The following DESI2 variants were observed in gnomAD, a reference collection of about 807,000 sequenced individuals.
DESI2 encodes desumoylating isopeptidase 2, also known as deubiquitinase DESI2.
DESI2 carries 10 observed loss-of-function variants against 24.1 expected under a neutral mutation model. The ratio of observed to expected loss-of-function variants is 0.41; its 90% CI spans 0.26 to 0.70. The LOEUF (loss-of-function observed/expected upper bound fraction) is 0.70, where lower values mean the gene tolerates loss of function less well. Ranked by LOEUF, DESI2 falls within the 30% of genes least tolerant of loss-of-function variation. DESI2 has a pLI of 0.29. For missense variants in DESI2, 122 were observed against 234.9 expected (o/e 0.52, Z 3.14); for synonymous variants, 71 against 87.7 (o/e 0.81, Z 1.06).
intron 1 of DESI2, among the ~76,000 whole-genome samples, chr1:244,670,878 C>A (rs573790997): frequency 6.6e-6 from 1 of 152,232 alleles, no homozygotes; most frequent in Middle Eastern, 3.4e-3. Flanking sequence ...GTGTTAGTTA[C>A]AATACTTGGA....
At chr1:244,690,947 C>T (rs1183376342) in intron 3 of DESI2, among the ~76,000 whole-genome samples, 1 of 152,220 alleles carries the variant, frequency 6.6e-6, no homozygotes, top group East Asian at 1.9e-4. Context: ...TCCACTCCTT[C>T]GGGCTCTCTT....
chr1:244,706,758 A>C lies in DESI2; in HGVS notation c.*969A>C, dbSNP rs1002934693. On this transcript the variant is annotated 3_prime_UTR_variant, in exon 5 of 5. Coordinates refer to ENST00000302550, the MANE Select transcript of DESI2 (RefSeq NM_016076.5). ...AAAACTAGAATCTAATGTCTACCCCAAAAAAGTAGTTCTTTGATATTTTAT... is the reference window on the plus strand; with the variant it reads ...AAAACTAGAATCTAATGTCTACCCCCAAAAAGTAGTTCTTTGATATTTTAT... The C allele has an allele frequency of 6.6e-6, 1 of 152,550 alleles. No individual in the cohort carries two copies. Among genetic ancestry groups the C allele is most frequent in the Non-Finnish European group, 1.5e-5 (1 of 68,042 alleles). 9.4% of individuals were successfully genotyped at this position (152,550 alleles called of 1,614,324 possible). A position where few individuals can be genotyped will look rare whatever the true frequency, so the allele number is the denominator to read the frequency against.
chr1:244,657,011 G>C (rs1477728847), intron 1 of DESI2, among the ~76,000 whole-genome samples: 1 of 152,180 alleles, frequency 6.6e-6, no homozygotes, highest in Non-Finnish European at 1.5e-5. Flanking sequence ...GTCCTCAAGT[G>C]ATCCGCCCGC....
At chr1:244,688,257 A>G (rs1237809618) in intron 2 of DESI2, among the ~76,000 whole-genome samples, 1 of 152,226 alleles carries the variant, frequency 6.6e-6, no homozygotes. Context: ...GAAAGTTAAG[A>G]ATCCAAATAT....
intron 4 of DESI2, among the ~76,000 whole-genome samples, chr1:244,694,945 T>G (rs1349921565): frequency 6.6e-6 from 1 of 152,196 alleles, no homozygotes; most frequent in East Asian, 1.9e-4. Flanking sequence ...TCGAATTGGG[T>G]GCTAAGTGGC....
rs1003427482 is a variant in DESI2 at position 244,660,341 on chromosome 1, T to C, written c.42+6986T>C. 2.6e-5 allele frequency among the ~76,000 whole-genome samples: 4 copies of C among 152,136 alleles called. No individual in the cohort carries two copies. In the East Asian group the frequency reaches 7.7e-4, roughly 29 times the overall value. On this transcript the variant is annotated intron_variant, in intron 1 of 4. Transcript: ENST00000302550. ...CCACCATGCCCAGCTAGTTTTTTTG[T>C]ATTTTTAGTAGAGGCAGGGTTTCAC...
intron 4 of DESI2, among the ~76,000 whole-genome samples, chr1:244,702,031 A>G (rs1030878335): frequency 6.6e-6 from 1 of 152,220 alleles, no homozygotes; most frequent in Non-Finnish European, 1.5e-5. Context: ...ATTTTGCTAT[A>G]TAAACCAAAT....
At chr1:244,671,231 ATTGT>A (rs1377679168) in intron 1 of DESI2, among the ~76,000 whole-genome samples, 1 of 152,136 alleles carries the variant, frequency 6.6e-6, no homozygotes, top group African/African-American at 2.4e-5. Context: ...AAAACGTCTG[ATTGT>A]TCGTGTAATC....
chr1:244,701,556 G>A (rs575895042), intron 4 of DESI2, among the ~76,000 whole-genome samples: 2 of 152,316 alleles, frequency 1.3e-5, no homozygotes, highest in African/African-American at 4.8e-5. Context: ...AGATGGCAGA[G>A]CCAAGGGCCA....
At chr1:244,683,933 G>GGCCTCAAGCTGTCCTCCC (rs1313211312) in intron 1 of DESI2, among the ~76,000 whole-genome samples, 1 of 150,656 alleles carries the variant, frequency 6.6e-6, no homozygotes, top group Non-Finnish European at 1.5e-5. Context: ...TTGAACTCCT[G>GGCCTCAAGCTGTCCTCCC]GCCTCAAGCT....
At chr1:244,663,890 C>T (rs949521541) in intron 1 of DESI2, among the ~76,000 whole-genome samples, 21 of 151,824 alleles carry the variant, frequency 1.4e-4, no homozygotes, top group Admixed American at 2.6e-4. Context: ...TGGTGGCGGG[C>T]GCCTGTAGTC....
chr1:244,699,562 C>A (rs2148816325), intron 4 of DESI2, among the ~76,000 whole-genome samples: 1 of 104,632 alleles, frequency 9.6e-6, no homozygotes, highest in African/African-American at 3.7e-5. Context: ...AGCCTAGCAA[C>A]AGAGTGAGAC....
chr1:244,700,078 A>T (rs1677386174), intron 4 of DESI2, among the ~76,000 whole-genome samples: 2 of 152,212 alleles, frequency 1.3e-5, no homozygotes, highest in Admixed American at 1.3e-4. Context: ...TTCAGGCTGG[A>T]GTGGAAACCT....
intron 1 of DESI2, among the ~76,000 whole-genome samples, chr1:244,659,976 T>C (rs1675782295): frequency 2.6e-5 from 4 of 152,198 alleles, no homozygotes. Flanking sequence ...TCCAAGCGTA[T>C]TGGTGACTAA....
At position 244,705,778 on chromosome 1, in the gene DESI2, A is replaced by G. The variant is rs1677673354; in HGVS notation, c.574A>G (p.Thr192Ala). Reference sequence around the variant, plus strand: ...AGCAGGCTCCAGACCCGGGCGCCACACTAAACTATAAATGTCTCCAAAGTC... The same window carrying G: ...AGCAGGCTCCAGACCCGGGCGCCACGCTAAACTATAAATGTCTCCAAAGTC... Reference protein sequence around the residue: ...TAAGSRPGRHTKL With the variant: ...TAAGSRPGRHAKL Residue 192 changes from threonine (T) to alanine (A), a missense_variant, in exon 5 of 5, where the codon ACT becomes GCT. Physicochemically the swap from Thr to Ala is moderately conservative, Grantham distance 58. Around this residue, in one of 6 missense-constraint regions of DESI2, gnomAD observed 56 missense variants for 67.9 expected, o/e 0.82. Coordinates refer to ENST00000302550, the MANE Select transcript of DESI2 (RefSeq NM_016076.5). 1 of 1,608,618 alleles carries G rather than the reference A, an allele frequency of 6.2e-7. No individual in the cohort carries two copies. Among genetic ancestry groups the G allele is most frequent in the Non-Finnish European group, 8.5e-7 (1 of 1,178,992 alleles).
Position 244,653,282 on chromosome 1 carries a change from T to A in DESI2, c.-32T>A. ...TCCGGCCCCGCGGAGACGGAGCGGC[T>A]TGAGGACGAGGCGGCGGCCGCGGGG... On this transcript the variant is annotated 5_prime_UTR_variant, in exon 1 of 5. The change creates a new upstream start codon in the 5' untranslated region. Coordinates refer to ENST00000302550, the MANE Select transcript of DESI2 (RefSeq NM_016076.5). 1 of 1,484,936 alleles carries A rather than the reference T, an allele frequency of 6.7e-7. No homozygotes were observed. Among genetic ancestry groups the A allele is most frequent in the Non-Finnish European group, 8.9e-7 (1 of 1,121,902 alleles). 92.0% of individuals were successfully genotyped at this position (1,484,936 alleles called of 1,614,324 possible). A position where few individuals can be genotyped will look rare whatever the true frequency, so the allele number is the denominator to read the frequency against.
At chr1:244,675,284 A>T (rs762237351) in intron 1 of DESI2, among the ~76,000 whole-genome samples, 1 of 152,148 alleles carries the variant, frequency 6.6e-6, no homozygotes, top group African/African-American at 2.4e-5. Flanking sequence ...TCAAAGCACT[A>T]AAGTTTTAAA....
intron 3 of DESI2, among the ~76,000 whole-genome samples, chr1:244,691,369 G>A (rs1050622969): frequency 5.9e-5 from 9 of 152,342 alleles, no homozygotes; most frequent in South Asian, 2.1e-4. Flanking sequence ...GATTACAGGC[G>A]TGAGCCGCCA....
At chr1:244,683,320 T>C in intron 1 of DESI2, among the ~76,000 whole-genome samples, 1 of 152,122 alleles carries the variant, frequency 6.6e-6, no homozygotes, top group African/African-American at 2.4e-5. Flanking sequence ...TATTACTTTT[T>C]TCTTTTTTTG....
Sources: allele counts gnomAD v4.1 joint callset (sites outside exome capture counted in the v4.1 genomes callset), GRCh38; gene constraint gnomAD v4.1.1; regional missense constraint gnomAD v4.1.1; transcripts MANE v1.5; gene names NCBI Gene and HGNC (gene_info 2026-07-23, HGNC 2026-07-21).